Variants in SEMA5B observed in about 807,000 individuals in gnomAD.
The protein encoded by SEMA5B is semaphorin 5B.
SEMA5B carries 66 observed loss-of-function variants against 135.0 expected under a neutral mutation model. The ratio of observed to expected loss-of-function variants is 0.49; its 90% CI spans 0.40 to 0.60. SEMA5B has a LOEUF of 0.60. SEMA5B is among the 20% of genes least tolerant of loss of function. The pLI is 0.00. For missense variants in SEMA5B, 1,501 were observed against 1,566.3 expected (o/e 0.96, Z 0.70); for synonymous variants, 690 against 639.5 (o/e 1.08, Z -1.19).
chr3:122,918,468 G>A (rs1469521720), intron 12 of SEMA5B, among the ~76,000 whole-genome samples: 1 of 152,240 alleles, frequency 6.6e-6, no homozygotes, highest in African/African-American at 2.4e-5. Context: ...TAACTCTGCT[G>A]TGTACCCATG....
intron 1 of SEMA5B, among the ~76,000 whole-genome samples, chr3:123,016,181 T>C (rs978789471): frequency 6.6e-6 from 1 of 152,192 alleles, no homozygotes. Context: ...CACATTGGTG[T>C]GTGCTGTGAG....
chr3:122,957,437 T>C (rs1940374852), intron 2 of SEMA5B, among the ~76,000 whole-genome samples: 1 of 152,226 alleles, frequency 6.6e-6, no homozygotes, highest in Non-Finnish European at 1.5e-5. Flanking sequence ...CCCACAGAGC[T>C]GCACCCAGGC....
intron 1 of SEMA5B, among the ~76,000 whole-genome samples, chr3:123,016,011 G>A (rs1942546163): frequency 6.6e-6 from 1 of 152,220 alleles, no homozygotes; most frequent in African/African-American, 2.4e-5. Flanking sequence ...CAGGTTTGGT[G>A]AGACCCAGGT....
At chr3:122,987,937 T>C (rs1941751809) in intron 1 of SEMA5B, among the ~76,000 whole-genome samples, 2 of 152,118 alleles carry the variant, frequency 1.3e-5, no homozygotes, top group Non-Finnish European at 2.9e-5. Flanking sequence ...TGCAAGTCAC[T>C]GGTTACTTAC....
chr3:122,973,051 T>C (rs1941187064), intron 1 of SEMA5B, among the ~76,000 whole-genome samples: 1 of 152,208 alleles, frequency 6.6e-6, no homozygotes, highest in Non-Finnish European at 1.5e-5. Context: ...TCAGAGTGTC[T>C]ATACACCTTG....
chr3:123,001,258 C>T (rs922889649), intron 1 of SEMA5B, among the ~76,000 whole-genome samples: 2 of 152,142 alleles, frequency 1.3e-5, no homozygotes, highest in Non-Finnish European at 2.9e-5. Context: ...GTGGCAGCCA[C>T]TGGCCACAGC....
chr3:122,963,246 C>T (rs1205034911), intron 1 of SEMA5B, among the ~76,000 whole-genome samples: 1 of 152,140 alleles, frequency 6.6e-6, no homozygotes, highest in Admixed American at 6.5e-5. Context: ...CCTGTAATCC[C>T]AGCACTTTGG....
At chr3:122,956,766 C>T (rs1003674601) in intron 2 of SEMA5B, among the ~76,000 whole-genome samples, 1 of 152,056 alleles carries the variant, frequency 6.6e-6, no homozygotes, top group East Asian at 1.9e-4. Flanking sequence ...TGCATCGGGC[C>T]GGCTCTCCTG....
intron 1 of SEMA5B, among the ~76,000 whole-genome samples, chr3:122,978,563 G>A (rs1355523109): frequency 6.6e-6 from 1 of 151,988 alleles, no homozygotes; most frequent in Non-Finnish European, 1.5e-5. Flanking sequence ...AACTGCCAGA[G>A]AATGACAGGG....
chr3:122,940,440 C>G (rs7644061), intron 4 of SEMA5B, among the ~76,000 whole-genome samples: 33,515 of 152,184 alleles, frequency 0.22, 3,969 homozygotes, highest in East Asian at 0.33. Flanking sequence ...TTTAAAGGCT[C>G]TGTTCATGCT....
chr3:122,949,028 G>T (rs1474397525), intron 2 of SEMA5B, among the ~76,000 whole-genome samples: 3 of 152,026 alleles, frequency 2.0e-5, no homozygotes, highest in Non-Finnish European at 4.4e-5. Context: ...TGAGGCCATG[G>T]GTAGCTATTT....
chr3:122,981,913 CA>C (rs947195335), intron 1 of SEMA5B, among the ~76,000 whole-genome samples: 4 of 152,170 alleles, frequency 2.6e-5, no homozygotes, highest in African/African-American at 9.7e-5. Context: ...GGTATAATTC[CA>C]AGTGCTTTGC....
chr3:122,978,125 GAATTATAGGC>G (rs1941393501), intron 1 of SEMA5B, among the ~76,000 whole-genome samples: 1 of 152,258 alleles, frequency 6.6e-6, no homozygotes, highest in African/African-American at 2.4e-5. Flanking sequence ...GCAGGAGACA[GAATTATAGGC>G]AGAGGGCAAC....
At chr3:122,954,970 G>GTTT (rs56870893) in intron 2 of SEMA5B, among the ~76,000 whole-genome samples, 8 of 141,820 alleles carry the variant, frequency 5.6e-5, no homozygotes, top group African/African-American at 1.8e-4. Flanking sequence ...TTTGTTTTTT[G>GTTT]TTTTTTTTTT....
rs111335768 is a variant in SEMA5B, at chr3:122,966,887, T to C, written c.-38-5586A>G. Reference sequence around the variant, plus strand: ...ACTATTATTATTATTATTATTATTATTATTATTATTATTAGAGATGGAGTT... The same window carrying C: ...ACTATTATTATTATTATTATTATTACTATTATTATTATTAGAGATGGAGTT... On this transcript the variant is annotated intron_variant, in intron 1 of 22. Transcript: ENST00000357599. Among the ~76,000 whole-genome samples, 1,002 of 142,890 alleles carry C rather than the reference T, an allele frequency of 7.0e-3. 21 individuals are homozygous for C. The highest frequency in any genetic ancestry group is 0.025 in the African/African-American group (963 of 38,460). 93.7% of individuals were successfully genotyped at this position (142,890 alleles called of 152,430 possible).
intron 1 of SEMA5B, among the ~76,000 whole-genome samples, chr3:122,985,791 C>G (rs1438110521): frequency 6.6e-6 from 1 of 152,196 alleles, no homozygotes; most frequent in Non-Finnish European, 1.5e-5. Flanking sequence ...GCCTATGGTT[C>G]CAATCTGCCC....
At chr3:123,017,342 A>T (rs768604095) in intron 1 of SEMA5B, among the ~76,000 whole-genome samples, 2 of 140,112 alleles carry the variant, frequency 1.4e-5, no homozygotes, top group East Asian at 2.0e-4. Flanking sequence ...TCTTACAGTT[A>T]AAAAAAAAAA....
rs75814538 is a variant in SEMA5B at position 122,929,603 on chromosome 3, C to T, written c.475-545G>A. ...GACCTAAGCAAGTCACACAGAACCT[C>T]GTGTAGAGCAGGGACTGGAACCCAC... On this transcript the variant is annotated intron_variant, in intron 5 of 22. Transcript: ENST00000357599. 5.8e-3 allele frequency among the ~76,000 whole-genome samples: 889 copies of T among 152,280 alleles called. 6 individuals are homozygous for T. The highest frequency in any genetic ancestry group is 0.02 in the African/African-American group (822 of 41,554).
At chr3:122,994,933 C>T (rs569344698) in intron 1 of SEMA5B, among the ~76,000 whole-genome samples, 21 of 152,138 alleles carry the variant, frequency 1.4e-4, no homozygotes, top group Non-Finnish European at 2.8e-4. Flanking sequence ...GGTAGTGGCT[C>T]TTGCAGTGGG....
Sources: allele counts gnomAD v4.1 joint callset (sites outside exome capture counted in the v4.1 genomes callset), GRCh38; gene constraint gnomAD v4.1.1; transcripts MANE v1.5; gene names NCBI Gene and HGNC (gene_info 2026-07-23, HGNC 2026-07-21).